The following ITFG1 variants were observed in gnomAD, a reference collection of about 807,000 sequenced individuals.
The protein encoded by ITFG1 is T-cell immunomodulatory protein.
In ITFG1, 34 loss-of-function variants were observed where a neutral mutation model predicts 81.8. That is an observed-to-expected ratio of 0.42 (90% CI 0.32 to 0.55). The LOEUF is 0.55. Among genes scored for constraint, ITFG1 ranks in the 20% least tolerant of loss-of-function variants. ITFG1 has a pLI of 0.17. For missense variants in ITFG1, 672 were observed against 755.4 expected, an observed-to-expected ratio of 0.89 and a Z score of 1.29; for synonymous variants, 285 against 270.6, an observed-to-expected ratio of 1.05 and a Z score of -0.52.
chr16:47,173,347 A>G (rs1567413421), intron 14 of ITFG1, among the ~76,000 whole-genome samples: 1 of 152,122 alleles, frequency 6.6e-6, no homozygotes, highest in Non-Finnish European at 1.5e-5. Context: ...CTGAGATTTG[A>G]GTCTGTTTTA....
chr16:47,433,675 T>C (rs540172487), intron 5 of ITFG1, among the ~76,000 whole-genome samples: 1 of 151,306 alleles, frequency 6.6e-6, no homozygotes, highest in East Asian at 1.9e-4. Context: ...TTTTATACGG[T>C]GTCTATTTAC....
At chr16:47,202,653 A>C (rs186449129) in intron 14 of ITFG1, among the ~76,000 whole-genome samples, 1 of 152,162 alleles carries the variant, frequency 6.6e-6, no homozygotes, top group Non-Finnish European at 1.5e-5. Context: ...CAGAAATCTG[A>C]AAACATCTAG....
At chr16:47,232,657 CT>C (rs1211349894) in intron 13 of ITFG1, among the ~76,000 whole-genome samples, 5 of 138,226 alleles carry the variant, frequency 3.6e-5, no homozygotes, top group African/African-American at 1.3e-4. Flanking sequence ...TTTCTTTTTT[CT>C]TTTTTGACAG....
At chr16:47,189,310 C>T (rs2151516937) in intron 14 of ITFG1, among the ~76,000 whole-genome samples, 1 of 152,212 alleles carries the variant, frequency 6.6e-6, no homozygotes, top group South Asian at 2.1e-4. Context: ...ACACCAATTC[C>T]AGAATATTTT....
intron 3 of ITFG1, 116 bp from the exon 4 acceptor site, chr16:47,452,906 C>T (rs2111227): frequency 0.33 from 182,171 of 556,000 alleles, 34,048 homozygotes; most frequent in East Asian, 0.67. Context: ...TGATTTATTC[C>T]AACTATTATC....
intron 14 of ITFG1, among the ~76,000 whole-genome samples, chr16:47,190,636 G>A (rs1048205412): frequency 2.7e-4 from 41 of 152,176 alleles, no homozygotes; most frequent in Admixed American, 2.3e-3. Flanking sequence ...TGAGCTTCCC[G>A]AACATATGTC....
chr16:47,166,960 G>A (rs1964898278), intron 14 of ITFG1, among the ~76,000 whole-genome samples: 1 of 152,092 alleles, frequency 6.6e-6, no homozygotes, highest in Non-Finnish European at 1.5e-5. Context: ...TTTTCTAATT[G>A]AGCTGAAATT....
intron 6 of ITFG1, among the ~76,000 whole-genome samples, chr16:47,418,381 C>T (rs552168956): frequency 6.6e-6 from 1 of 152,094 alleles, no homozygotes; most frequent in Non-Finnish European, 1.5e-5. Context: ...TTTAGCACAA[C>T]ATAGTCCCAT....
intron 8 of ITFG1, among the ~76,000 whole-genome samples, chr16:47,331,886 T>C (rs1967642005): frequency 6.6e-6 from 1 of 152,190 alleles, no homozygotes; most frequent in Admixed American, 6.6e-5. Flanking sequence ...TTCAAAGCTG[T>C]AATTATAATT....
chr16:47,364,157 A>G (rs1340383702), intron 8 of ITFG1, among the ~76,000 whole-genome samples: 1 of 152,238 alleles, frequency 6.6e-6, no homozygotes, highest in Admixed American at 6.5e-5. Context: ...CTAAAAATAC[A>G]TGAACTTTTA....
chr16:47,357,726 T>C (rs554128906), intron 8 of ITFG1, among the ~76,000 whole-genome samples: 100 of 152,284 alleles, frequency 6.6e-4, no homozygotes, highest in African/African-American at 2.3e-3. Flanking sequence ...GGCATGAATT[T>C]ATTATATGCA....
intron 1 of ITFG1, 152 bp downstream of exon 1, chr16:47,460,686 G>C (rs1969522463): frequency 2.4e-6 from 2 of 830,426 alleles, no homozygotes; most frequent in Non-Finnish European, 3.9e-6. Context: ...GGTGCAAAAG[G>C]ACAAGCTGTT....
chr16:47,250,395 T>A (rs1596835673), intron 12 of ITFG1, among the ~76,000 whole-genome samples: 3 of 151,416 alleles, frequency 2.0e-5, no homozygotes, highest in African/African-American at 7.3e-5. Context: ...CATACACATA[T>A]AAATTTGTTA....
At chr16:47,414,478 C>A (rs1192445161) in intron 6 of ITFG1, among the ~76,000 whole-genome samples, 1 of 151,814 alleles carries the variant, frequency 6.6e-6, no homozygotes, top group Non-Finnish European at 1.5e-5. Flanking sequence ...GTGAGCTGAG[C>A]TCCCGACACT....
At chr16:47,369,902 C>T (rs981004379) in intron 7 of ITFG1, among the ~76,000 whole-genome samples, 14 of 132,958 alleles carry the variant, frequency 1.1e-4, no homozygotes, top group Admixed American at 5.4e-4. Flanking sequence ...GGCAGTGGCG[C>T]GATCTTGGCT....
At chr16:47,424,888 G>C (rs1036983953) in intron 6 of ITFG1, among the ~76,000 whole-genome samples, 1 of 152,120 alleles carries the variant, frequency 6.6e-6, no homozygotes, top group Non-Finnish European at 1.5e-5. Context: ...GGCTACATTG[G>C]GGTCAGGGAC....
intron 6 of ITFG1, among the ~76,000 whole-genome samples, chr16:47,400,878 A>G: frequency 6.6e-6 from 1 of 152,146 alleles, no homozygotes; most frequent in South Asian, 2.1e-4. Flanking sequence ...GTGCACCATG[A>G]CAAAAAGCAT....
intron 10 of ITFG1, among the ~76,000 whole-genome samples, chr16:47,266,783 A>C (rs757731215): frequency 6.6e-6 from 1 of 152,244 alleles, no homozygotes; most frequent in Non-Finnish European, 1.5e-5. Flanking sequence ...TAAAGGGATC[A>C]AAAGGTAGAA....
At chr16:47,297,423 A>C (rs1235299092) in intron 10 of ITFG1, among the ~76,000 whole-genome samples, 3 of 152,136 alleles carry the variant, frequency 2.0e-5, no homozygotes, top group Non-Finnish European at 4.4e-5. Context: ...TTTACATTCA[A>C]GGTTAATATT....
Sources: gnomAD v4.1 joint callset for allele counts (sites outside exome capture counted in the v4.1 genomes callset) on GRCh38, gnomAD v4.1.1 for gene constraint, MANE v1.5 for transcripts, NCBI Gene and HGNC (gene_info 2026-07-23, HGNC 2026-07-21) for gene names.